Variants in NPAT observed in about 807,000 individuals in gnomAD.
NPAT encodes nuclear protein, coactivator of histone transcription, also known as protein NPAT.
NPAT carries 52 observed loss-of-function variants against 130.7 expected under a neutral mutation model. That is an observed-to-expected ratio of 0.40 (90% CI 0.32 to 0.50). The LOEUF is 0.50. NPAT is among the 20% of genes least tolerant of loss of function. The probability of loss-of-function intolerance (pLI) is 0.68; values close to 1 mark genes in which losing one functional copy is unlikely to be tolerated. For missense variants in NPAT, 1,687 were observed against 1,662.6 expected (o/e 1.01, Z -0.26); for synonymous variants, 580 against 584.8 (o/e 0.99, Z 0.12).
chr11:108,181,089 C>T (rs1200546920), intron 10 of NPAT, among the ~76,000 whole-genome samples: 1 of 152,132 alleles, frequency 6.6e-6, no homozygotes, highest in Non-Finnish European at 1.5e-5. Flanking sequence ...TGTGTCCCTC[C>T]CAAATTCACG....
chr11:108,181,545 CTTAG>C (rs1297114953), intron 10 of NPAT, among the ~76,000 whole-genome samples: 2 of 152,082 alleles, frequency 1.3e-5, no homozygotes, highest in Non-Finnish European at 2.9e-5. Flanking sequence ...AAACTGTACA[CTTAG>C]TAATTGTCAA....
chr11:108,191,381 C>T (rs2078167705), intron 4 of NPAT, among the ~76,000 whole-genome samples: 1 of 151,986 alleles, frequency 6.6e-6, no homozygotes, highest in Admixed American at 6.5e-5. Flanking sequence ...GAGTGGCCCA[C>T]CCCTTTATTC....
chr11:108,162,652 A>G (rs187487577), intron 15 of NPAT, among the ~76,000 whole-genome samples: 1 of 152,272 alleles, frequency 6.6e-6, no homozygotes, highest in African/African-American at 2.4e-5. Context: ...GGCTAGTTTC[A>G]AACTCCTGGC....
At chr11:108,215,548 T>C (rs895245117) in intron 1 of NPAT, among the ~76,000 whole-genome samples, 1 of 152,234 alleles carries the variant, frequency 6.6e-6, no homozygotes, top group Non-Finnish European at 1.5e-5. Context: ...AAATTATGTC[T>C]AACGTCTCTT....
intron 8 of NPAT, among the ~76,000 whole-genome samples, chr11:108,186,017 C>T (rs994058302): frequency 8.6e-5 from 13 of 151,052 alleles, no homozygotes; most frequent in Non-Finnish European, 1.6e-4. Flanking sequence ...CACTACTCGC[C>T]GGCCAGTTTT....
At position 108,173,291 on chromosome 11, in the gene NPAT, G is replaced by T. The variant is rs1791806284; in HGVS notation, c.1693C>A (p.His565Asn). 6.2e-7 allele frequency: 1 copy of T among 1,611,848 alleles called. No homozygotes were observed. The highest frequency in any genetic ancestry group is 1.1e-5 in the South Asian group (1 of 90,974). ...CTAGAATCTGATGACTTGGAACCAT[G>T]AAAATTAATTTTAAGTTTTACTGTA... ...NDTVKLKINF[H>N]GSKSSDSSEV... Residue 565 changes from histidine to asparagine, a missense_variant, in exon 13 of 18, where the codon CAT (histidine) becomes AAT (asparagine). His to Asn is a moderately conservative substitution (Grantham distance 68). This residue lies in a region of NPAT where 1,379 missense variants were observed against 1,346.6 expected (regional missense o/e 1.02). Transcript: ENST00000278612.
Position 108,170,061 on chromosome 11 carries a change from G to T in NPAT, c.2786-18C>A, listed in dbSNP as rs1391367493. On this transcript the variant is annotated intron_variant, in intron 13 of 17. Coordinates refer to ENST00000278612, the MANE Select transcript of NPAT (RefSeq NM_002519.3). ...GGCAGATCCTAAAAAAACAATTCTT[G>T]TTAAAAAAAGATTTTCTCTGAAATG... 1.3e-6 allele frequency: 2 copies of T among 1,512,162 alleles called. No homozygotes were observed. Among genetic ancestry groups the T allele is most frequent in the Admixed American group, 3.3e-5 (2 of 59,822 alleles). 93.7% of individuals were successfully genotyped at this position (1,512,162 alleles called of 1,614,324 possible).
chr11:108,219,293 C>G (rs538002291), intron 1 of NPAT, among the ~76,000 whole-genome samples: 2 of 152,244 alleles, frequency 1.3e-5, no homozygotes, highest in Non-Finnish European at 2.9e-5. Flanking sequence ...TTCCACGTTC[C>G]GCAGTCAAAC....
At chr11:108,211,680 T>C (rs757051338) in intron 1 of NPAT, among the ~76,000 whole-genome samples, 1 of 152,202 alleles carries the variant, frequency 6.6e-6, no homozygotes. Flanking sequence ...TAAATCAGTG[T>C]AATATACTAT....
rs560484247 is a variant in NPAT, at chr11:108,157,292, T to A, written c.*1650A>T. 6.6e-6 allele frequency: 1 copy of A among 152,174 alleles called. No individual in the cohort carries two copies. The highest frequency in any genetic ancestry group is 1.5e-5 in the Non-Finnish European group (1 of 67,994). The allele number at this position is 152,174 out of a possible 1,614,324, so 9.4% of individuals were successfully genotyped here. A position where few individuals can be genotyped will look rare whatever the true frequency, so the allele number is the denominator to read the frequency against. On this transcript the variant is annotated 3_prime_UTR_variant, in exon 18 of 18. Transcript: ENST00000278612. ...ACTATGAATTGAATAAGAAGAAAACTGTGATTTTCAGCATTGTACAAACTC... is the reference window on the plus strand; with the variant it reads ...ACTATGAATTGAATAAGAAGAAAACAGTGATTTTCAGCATTGTACAAACTC...
At chr11:108,200,834 A>G (rs1383498349) in intron 1 of NPAT, among the ~76,000 whole-genome samples, 1 of 152,128 alleles carries the variant, frequency 6.6e-6, no homozygotes, top group East Asian at 1.9e-4. Flanking sequence ...ACTAACTCAA[A>G]TACTTGAGGG....
Position 108,188,350 on chromosome 11 carries a change from A to C in NPAT, c.557-171T>G, listed in dbSNP as rs1210090848. 2.0e-5 allele frequency among the ~76,000 whole-genome samples: 3 copies of C among 152,354 alleles called. No homozygotes were observed. The East Asian group carries it at 5.8e-4, about 29-fold the overall frequency. On this transcript the variant is annotated intron_variant, in intron 6 of 17. Coordinates refer to ENST00000278612, the MANE Select transcript of NPAT (RefSeq NM_002519.3). ...AAAGACACTAAGATTAATAAAATAC[A>C]GTCTTTATGCCTTAAGGTTTTACAA...
In NPAT at chr11:108,173,718, G is replaced by C. The variant is rs371588210; in HGVS notation, c.1266C>G (p.Ser422Arg). ...DQENFSQIST[S>R]IQKKAFKTAV... ...CTGTTTTAAAGGCCTTTTTCTGTAT[G>C]CTGGTACTTATTTGGGAAAAATTTT... The change falls in exon 13 of 18, where the codon AGC (serine) becomes AGG (arginine). Residue 422 changes from serine (S) to arginine (R), a missense_variant. Transcript: ENST00000278612. 11 of 1,614,110 alleles carry C rather than the reference G, an allele frequency of 6.8e-6. 1 individual carries two copies. Among genetic ancestry groups the C allele is most frequent in the Non-Finnish European group, 7.6e-6 (9 of 1,180,022 alleles).
Position 108,173,188 on chromosome 11 carries a change from G to T in NPAT, c.1796C>A (p.Ser599Tyr), listed in dbSNP as rs373052311. 4 of 1,613,524 alleles carry T rather than the reference G, an allele frequency of 2.5e-6. No homozygotes were observed. The highest frequency in any genetic ancestry group is 2.7e-5 in the African/African-American group (2 of 74,914). The part of the protein sequence containing the change: ...MSQLSNCQDN[S>Y]CLQSEILPVS... Reference sequence around the variant, plus strand: ...AGGTAGTATTTCACTTTGAAGACAAGAATTATCTTGGCAATTTGATAGCTG... The same window carrying T: ...AGGTAGTATTTCACTTTGAAGACAATAATTATCTTGGCAATTTGATAGCTG... The change falls in exon 13 of 18, where the codon TCT becomes TAT. Residue 599 changes from serine (S) to tyrosine (Y), a missense_variant. Coordinates refer to ENST00000278612, the MANE Select transcript of NPAT (RefSeq NM_002519.3).
At chr11:108,217,875 C>A (rs759499353) in intron 1 of NPAT, among the ~76,000 whole-genome samples, 1 of 152,088 alleles carries the variant, frequency 6.6e-6, no homozygotes, top group Non-Finnish European at 1.5e-5. Flanking sequence ...CGCCTGTAAT[C>A]CCAGCTACTT....
chr11:108,211,633 G>C (rs2078384725), intron 1 of NPAT, among the ~76,000 whole-genome samples: 1 of 152,118 alleles, frequency 6.6e-6, no homozygotes, highest in Admixed American at 6.5e-5. Context: ...GACCAAGTGG[G>C]ATTTAATGCA....
chr11:108,188,255 T>C, intron 6 of NPAT, 76 bp from the exon 7 acceptor site: 1 of 1,055,016 alleles, frequency 9.5e-7, no homozygotes, highest in Non-Finnish European at 1.5e-6. Flanking sequence ...ATAAAAAGCA[T>C]TAGTGATTAT....
At position 108,206,732 on chromosome 11, in the gene NPAT, G is replaced by A. The variant is rs116786195; in HGVS notation, c.38-9312C>T. Reference sequence around the variant, plus strand: ...CCTGTTTTACAGATCTTTCAGTCCCGCCTTTCAGTGGGTCCCATGTTATTA... The same window carrying A: ...CCTGTTTTACAGATCTTTCAGTCCCACCTTTCAGTGGGTCCCATGTTATTA... On this transcript the variant is annotated intron_variant, in intron 1 of 17. Transcript: ENST00000278612. Among the ~76,000 whole-genome samples the A allele has an allele frequency of 5.9e-3, 891 of 152,258 alleles. 10 individuals carry two copies. The highest frequency in any genetic ancestry group is 0.02 in the African/African-American group (839 of 41,552).
In NPAT at chr11:108,173,815, T is replaced by A; in HGVS notation, c.1169A>T (p.Tyr390Phe). 6.2e-7 allele frequency: 1 copy of A among 1,614,134 alleles called. No individual in the cohort carries two copies. The highest frequency in any genetic ancestry group is 8.5e-7 in the Non-Finnish European group (1 of 1,180,012). Residue 390 changes from tyrosine to phenylalanine, a missense_variant, in exon 13 of 18, where the codon TAT becomes TTT. Around this residue, in one of 3 missense-constraint regions of NPAT, gnomAD observed 1,379 missense variants for 1,346.6 expected, o/e 1.02. Coordinates refer to ENST00000278612, the MANE Select transcript of NPAT (RefSeq NM_002519.3). ...AGCATTTAATGGGTCATCATTCTGA[T>A]AGGATGTACAAAAAGCGGGCTGACC... is the stretch of plus-strand genomic sequence containing the variant. ...QSGQPAFCTS[Y>F]QNDDPLNALK...
Sources: gnomAD v4.1 joint callset for allele counts (sites outside exome capture counted in the v4.1 genomes callset) on GRCh38, gnomAD v4.1.1 for gene constraint, gnomAD v4.1.1 regional missense constraint, MANE v1.5 for transcripts, NCBI Gene and HGNC (gene_info 2026-07-23, HGNC 2026-07-21) for gene names.